Variants in RBM5 observed in about 807,000 individuals in gnomAD.
The protein encoded by RBM5 is RNA binding motif protein 5, also known as RNA-binding protein 5.
A neutral mutation model predicts 124.6 loss-of-function variants in RBM5; 15 were observed. That is an observed-to-expected ratio of 0.12 (90% confidence interval 0.08 to 0.19). The LOEUF is 0.19. Ranked by LOEUF, RBM5 falls within the 10% of genes least tolerant of loss-of-function variation. RBM5 has a pLI of 1.00. For missense variants in RBM5, 580 were observed against 1,026.5 expected (o/e 0.57, Z 5.94); for synonymous variants, 337 against 361.2 (o/e 0.93, Z 0.76).
At chr3:50,097,665 G>T (rs917254895) in intron 4 of RBM5, among the ~76,000 whole-genome samples, 1 of 152,090 alleles carries the variant, frequency 6.6e-6, no homozygotes, top group Non-Finnish European at 1.5e-5. Context: ...AAAGGAGTTG[G>T]TCTGACATTG....
Position 50,114,078 on chromosome 3 carries a change from C to A in RBM5, c.1746C>A (p.Gly582=). The A allele has an allele frequency of 6.2e-7, 1 of 1,614,190 alleles. No individual in the cohort carries two copies. Among genetic ancestry groups the A allele is most frequent in the Non-Finnish European group, 8.5e-7 (1 of 1,180,024 alleles). Residue 582 remains glycine, a synonymous_variant, in exon 19 of 25, where the codon GGC becomes GGA. Transcript: ENST00000347869. The stretch of plus-strand genomic sequence containing the variant: ...GAGAATCTGCTGCAGCAGACGCTGG[C>A]TTTGCTCTCTTTGAGAAGAAGGTAA... The part of the protein sequence containing the change: ...ERRESAAADA[G]FALFEKKGAL...
chr3:50,107,983 GC>G, intron 12 of RBM5, 86 bp from the exon 13 acceptor site: 2 of 1,154,262 alleles, frequency 1.7e-6, no homozygotes, highest in Non-Finnish European at 2.6e-6. Flanking sequence ...ACAGCGCCCA[GC>G]ATCATGAGCT....
At chr3:50,118,263 G>GGTGAGAGGTGAGAGCA in intron 24 of RBM5, 68 bp from the exon 25 acceptor site, 1 of 1,596,738 alleles carries the variant, frequency 6.3e-7, no homozygotes, top group South Asian at 1.1e-5. Flanking sequence ...TGGGTAAGGA[G>GGTGAGAGGTGAGAGCA]TGGGCATGGT....
Position 50,115,463 on chromosome 3 carries a change from C to G in RBM5, c.1875C>G (p.Asp625Glu). The G allele has an allele frequency of 6.2e-7, 1 of 1,614,024 alleles. No individual in the cohort carries two copies. The highest frequency in any genetic ancestry group is 8.5e-7 in the Non-Finnish European group (1 of 1,180,002). ...TTGCTGCTTACAGTGGTGACAGTGA[C>G]AATGAGGAGGAGCTGGTGGAGAGAC... ...GLVAAYSGDS[D>E]NEEELVERLE... Residue 625 changes from aspartate to glutamate, a missense_variant, in exon 21 of 25, where the codon GAC (aspartate) becomes GAG (glutamate). By Grantham distance (45) the Asp-to-Glu change is conservative. Transcript: ENST00000347869.
chr3:50,105,821 C>T (rs2091016776), intron 10 of RBM5, 112 bp downstream of exon 10: 1 of 1,176,096 alleles, frequency 8.5e-7, no homozygotes, highest in Non-Finnish European at 1.2e-6. Context: ...ATGCAAGGCT[C>T]CCTAATGACA....
At chr3:50,112,414 T>TA (rs58011975) in intron 17 of RBM5, among the ~76,000 whole-genome samples, 1,369 of 88,100 alleles carry the variant, frequency 0.016, 30 homozygotes, top group African/African-American at 0.021. Context: ...AGACTCTGTC[T>TA]AAAAAAAAAA....
chr3:50,094,131 G>T, intron 4 of RBM5: 4 of 281,870 alleles, frequency 1.4e-5, no homozygotes, highest in Admixed American at 4.7e-5. Context: ...CATGCCAAAG[G>T]TAATTTTATA....
chr3:50,118,406 A>G lies in RBM5; in HGVS notation c.2398A>G (p.Lys800Glu). ...AYGLSGADSY[K>E]DAVRKAMFAR... is the part of the protein sequence containing the mutation. ...TGGTTTGTCGGGCGCCGATTCCTAC[A>G]AAGATGCTGTCCGGAAAGCCATGTT... Residue 800 changes from lysine (K) to glutamate (E), a missense_variant, in exon 25 of 25, where the codon AAA becomes GAA. Physicochemically the swap from Lys to Glu is moderately conservative, Grantham distance 56. Around this residue, in one of 6 missense-constraint regions of RBM5, gnomAD observed 234 missense variants for 435.1 expected, o/e 0.54. Coordinates refer to ENST00000347869, the MANE Select transcript of RBM5 (RefSeq NM_005778.4). 1 of 1,614,178 alleles carries G rather than the reference A, an allele frequency of 6.2e-7. No homozygotes were observed. Among genetic ancestry groups the G allele is most frequent in the Non-Finnish European group, 8.5e-7 (1 of 1,180,022 alleles).
At chr3:50,094,833 G>A (rs1285525103) in intron 4 of RBM5, among the ~76,000 whole-genome samples, 1 of 152,168 alleles carries the variant, frequency 6.6e-6, no homozygotes, top group African/African-American at 2.4e-5. Flanking sequence ...TGCTCAACCT[G>A]TATCTATCTC....
chr3:50,095,472 A>C (rs1031382516), intron 4 of RBM5, among the ~76,000 whole-genome samples: 8 of 152,090 alleles, frequency 5.3e-5, no homozygotes, highest in Non-Finnish European at 1.2e-4. Flanking sequence ...GCTCATTCAG[A>C]CTGGCCAATT....
At chr3:50,104,166 C>A (rs931568521) in intron 7 of RBM5, 82 bp from the exon 8 acceptor site, 1 of 1,163,064 alleles carries the variant, frequency 8.6e-7, no homozygotes, top group Non-Finnish European at 1.3e-6. Context: ...TTACTGGGAC[C>A]TACCCGTGGC....
At chr3:50,118,271 G>T in intron 24 of RBM5, 60 bp from the exon 25 acceptor site, 1 of 1,602,760 alleles carries the variant, frequency 6.2e-7, no homozygotes, top group Middle Eastern at 1.7e-4. Flanking sequence ...GAGTGGGCAT[G>T]GTGAGAGGTG....
Position 50,105,741 on chromosome 3 carries a change from A to G in RBM5, c.855+32A>G, listed in dbSNP as rs200350729. The stretch of plus-strand genomic sequence containing the variant: ...TTCTCATCGATTCTTTCCTTTTTAA[A>G]AGAAACAGCTTTAAGAGGCAAATGT... On this transcript the variant is annotated intron_variant, in intron 10 of 24. Transcript: ENST00000347869. 47 of 1,608,232 alleles carry G rather than the reference A, an allele frequency of 2.9e-5. No individual in the cohort carries two copies. The African/African-American group carries it at 6.0e-4, about 21-fold the overall frequency.
intron 8 of RBM5, chr3:50,104,716 G>A (rs1559686848): frequency 3.6e-6 from 1 of 274,292 alleles, no homozygotes; most frequent in South Asian, 9.0e-5. Flanking sequence ...AGATTTTAGT[G>A]TACTTAAACA....
chr3:50,108,726 T>G (rs1426244350), intron 14 of RBM5, among the ~76,000 whole-genome samples: 1 of 151,618 alleles, frequency 6.6e-6, no homozygotes, highest in Non-Finnish European at 1.5e-5. Context: ...AAAAAAAGAA[T>G]GTAGGGGGCA....
At chr3:50,107,410 G>T in intron 11 of RBM5, 72 bp from the exon 12 acceptor site, 1 of 1,209,942 alleles carries the variant, frequency 8.3e-7, no homozygotes, top group Non-Finnish European at 1.2e-6. Context: ...GAGTGAATCA[G>T]TTGGTGGTAT....
In RBM5 at chr3:50,117,425, G is replaced by T; in HGVS notation, c.2322+46G>T. On this transcript the variant is annotated intron_variant, in intron 24 of 24. Coordinates refer to ENST00000347869, the MANE Select transcript of RBM5 (RefSeq NM_005778.4). The surrounding 1 kb of genome is among the most constrained non-coding windows in gnomAD (Gnocchi z 4.2). ...TTGATGTTTGCCAGGCTTACAGGCC[G>T]GTTCCAGAGATGAGATCAGAGCACT... is the stretch of plus-strand genomic sequence containing the variant. 3 of 1,608,442 alleles carry T rather than the reference G, an allele frequency of 1.9e-6. No individual in the cohort carries two copies. The highest frequency in any genetic ancestry group is 2.2e-5 in the East Asian group (1 of 44,798).
chr3:50,093,948 C>T (rs191570549), intron 4 of RBM5, 73 bp downstream of exon 4: 49 of 1,511,630 alleles, frequency 3.2e-5, no homozygotes, highest in Non-Finnish European at 4.4e-5. Flanking sequence ...ATTATTTTCT[C>T]ATGCTATTGT....
intron 3 of RBM5, among the ~76,000 whole-genome samples, chr3:50,092,462 G>C (rs1427152197): frequency 6.6e-6 from 1 of 151,728 alleles, no homozygotes; most frequent in Non-Finnish European, 1.5e-5. Flanking sequence ...TTGGGAGACT[G>C]AGGTAAGAGA....
Sources: allele counts gnomAD v4.1 joint callset (sites outside exome capture counted in the v4.1 genomes callset), GRCh38; gene constraint gnomAD v4.1.1; regional missense constraint gnomAD v4.1.1; non-coding constraint Gnocchi (gnomAD v3.1); transcripts MANE v1.5; gene names NCBI Gene and HGNC (gene_info 2026-07-23, HGNC 2026-07-21).